RAPGEF2: variants seen among roughly 807,000 people sequenced by gnomAD.
The protein encoded by RAPGEF2 is PDZ domain containing guanine nucleotide exchange factor (GEF) 1.
In RAPGEF2, 54 loss-of-function variants were observed where a neutral mutation model predicts 186.7. The observed-to-expected ratio is 0.29, with a 90% confidence interval of 0.23 to 0.36. The LOEUF (loss-of-function observed/expected upper bound fraction) is 0.36, where lower values mean the gene tolerates loss of function less well. Among genes scored for constraint, RAPGEF2 ranks in the 10% least tolerant of loss-of-function variants. RAPGEF2 has a pLI of 1.00. For synonymous variants in RAPGEF2, 712 were observed against 705.9 expected, an observed-to-expected ratio of 1.01 and a Z score of -0.14; for missense variants, 1,532 against 2,045.0, an observed-to-expected ratio of 0.75 and a Z score of 4.84.
chr4:159,131,496 A>T (rs911804172), intron 1 of RAPGEF2, among the ~76,000 whole-genome samples: 17 of 91,330 alleles, frequency 1.9e-4, no homozygotes, highest in Admixed American at 3.1e-4. Context: ...TATTATCTTG[A>T]TATCTTTGTC....
At position 159,295,512 on chromosome 4, in the gene RAPGEF2, A is replaced by G. The variant is rs1298689708; in HGVS notation, c.544-8830A>G. 2.0e-5 allele frequency among the ~76,000 whole-genome samples: 3 copies of G among 152,134 alleles called. No individual in the cohort carries two copies. In the East Asian group the frequency reaches 5.8e-4, roughly 29 times the overall value. ...GCAACAGGACATTTCATTTGGCCATATATACATTAATCAACTACCTCCGTG... is the reference window on the plus strand; with the variant it reads ...GCAACAGGACATTTCATTTGGCCATGTATACATTAATCAACTACCTCCGTG... On this transcript the variant is annotated intron_variant, in intron 7 of 29. Coordinates refer to ENST00000691494, the MANE Select transcript of RAPGEF2 (RefSeq NM_001394067.2).
chr4:159,262,188 A>G (rs865927951), intron 7 of RAPGEF2, among the ~76,000 whole-genome samples: 3 of 152,360 alleles, frequency 2.0e-5, no homozygotes, highest in Middle Eastern at 3.4e-3. Context: ...GTTGTTGACA[A>G]TATCAGATAA....
At chr4:159,256,793 TC>T (rs1463627303) in intron 7 of RAPGEF2, among the ~76,000 whole-genome samples, 1 of 152,218 alleles carries the variant, frequency 6.6e-6, no homozygotes, top group Non-Finnish European at 1.5e-5. Context: ...TCTCTAATGA[TC>T]AGTGATGTTT....
intron 17 of RAPGEF2, among the ~76,000 whole-genome samples, chr4:159,334,786 C>CT (rs2111223786): frequency 6.6e-6 from 1 of 152,066 alleles, no homozygotes; most frequent in South Asian, 2.1e-4. Flanking sequence ...TACTCAAAAG[C>CT]TAGACAAGGG....
At chr4:159,352,505 G>A (rs919922611) in intron 26 of RAPGEF2, 180 bp from the exon 27 acceptor site, 80 of 571,564 alleles carry the variant, frequency 1.4e-4, no homozygotes, top group African/African-American at 1.4e-3. Context: ...AACAACTTAA[G>A]CTTCATTAGA....
At chr4:159,273,679 TTTCTTTCTTTCTTTC>T (rs1758461661) in intron 7 of RAPGEF2, among the ~76,000 whole-genome samples, 1 of 150,590 alleles carries the variant, frequency 6.6e-6, no homozygotes, top group African/African-American at 2.4e-5. Context: ...TCTTTCTTTC[TTTCTTTCTTTCTTTC>T]TTTCTTTCTC....
intron 3 of RAPGEF2, among the ~76,000 whole-genome samples, chr4:159,195,884 T>TTG (rs1748594809): frequency 7.2e-6 from 1 of 139,752 alleles, no homozygotes; most frequent in Admixed American, 7.0e-5. Context: ...TGTTTTTTTT[T>TTG]TTTTTTTTTT....
intron 1 of RAPGEF2, among the ~76,000 whole-genome samples, chr4:159,174,816 G>A (rs1426586746): frequency 6.6e-6 from 1 of 150,500 alleles, no homozygotes; most frequent in African/African-American, 2.5e-5. Flanking sequence ...GAGTGCATTG[G>A]CACAGTGACA....
chr4:159,120,318 C>T (rs1739524330), intron 1 of RAPGEF2, among the ~76,000 whole-genome samples: 1 of 132,652 alleles, frequency 7.5e-6, no homozygotes, highest in Admixed American at 7.5e-5. Context: ...TTGCACCCAG[C>T]CAAATCATCA....
At chr4:159,128,043 G>GTA (rs1740558946) in intron 1 of RAPGEF2, among the ~76,000 whole-genome samples, 1 of 152,080 alleles carries the variant, frequency 6.6e-6, no homozygotes, top group East Asian at 1.9e-4. Flanking sequence ...ATTTAGGTAT[G>GTA]TATATATATG....
chr4:159,279,803 C>G (rs887724791), intron 7 of RAPGEF2, among the ~76,000 whole-genome samples: 2 of 151,988 alleles, frequency 1.3e-5, no homozygotes, highest in African/African-American at 4.8e-5. Flanking sequence ...CTCAGCCTCC[C>G]GAGTAGCTGG....
chr4:159,282,900 A>C lies in RAPGEF2; in HGVS notation c.544-21442A>C, dbSNP rs542676946. 2.0e-5 allele frequency among the ~76,000 whole-genome samples: 3 copies of C among 152,178 alleles called. No individual in the cohort carries two copies. In the South Asian group the frequency reaches 6.2e-4, roughly 31 times the overall value. On this transcript the variant is annotated intron_variant, in intron 7 of 29. Coordinates refer to ENST00000691494, the MANE Select transcript of RAPGEF2 (RefSeq NM_001394067.2). ...TAAGAAGAAGAATGTAAAGGCCAGG[A>C]TGTGGGAGTTCTATACTTCCTATAA...
chr4:159,111,158 G>C (rs1738450776), intron 1 of RAPGEF2, among the ~76,000 whole-genome samples: 1 of 152,152 alleles, frequency 6.6e-6, no homozygotes, highest in Non-Finnish European at 1.5e-5. Flanking sequence ...TGGTGCGGTG[G>C]TGGTGGGTTT....
intron 24 of RAPGEF2, among the ~76,000 whole-genome samples, chr4:159,345,620 A>G (rs1730179719): frequency 1.3e-5 from 2 of 152,240 alleles, no homozygotes; most frequent in South Asian, 2.1e-4. Context: ...ACAGACGCAT[A>G]TATAGATATG....
At chr4:159,273,824 G>A (rs1468117920) in intron 7 of RAPGEF2, among the ~76,000 whole-genome samples, 2 of 151,858 alleles carry the variant, frequency 1.3e-5, no homozygotes, top group East Asian at 3.9e-4. Context: ...ATGGAGTCTC[G>A]CTCTGTCGCC....
chr4:159,266,340 G>C (rs1327295523), intron 7 of RAPGEF2, among the ~76,000 whole-genome samples: 1 of 152,134 alleles, frequency 6.6e-6, no homozygotes, highest in Non-Finnish European at 1.5e-5. Flanking sequence ...CAGTTCCAAA[G>C]TCAATTATTA....
chr4:159,175,943 A>G (rs969565309), intron 1 of RAPGEF2, among the ~76,000 whole-genome samples: 1 of 152,200 alleles, frequency 6.6e-6, no homozygotes, highest in African/African-American at 2.4e-5. Flanking sequence ...GAGATGTAAG[A>G]GAAGACGAGT....
At chr4:159,330,591 T>G in intron 13 of RAPGEF2, 93 bp downstream of exon 13, 1 of 922,380 alleles carries the variant, frequency 1.1e-6, no homozygotes, top group Non-Finnish European at 1.6e-6. Flanking sequence ...TATGTCCAGA[T>G]TAATGTAATG....
At chr4:159,246,422 T>C (rs943548771) in intron 7 of RAPGEF2, among the ~76,000 whole-genome samples, 5 of 152,158 alleles carry the variant, frequency 3.3e-5, no homozygotes, top group African/African-American at 1.2e-4. Flanking sequence ...ATCAGTCCCA[T>C]TTTAAAACTA....
Sources: gnomAD v4.1 joint callset for allele counts (sites outside exome capture counted in the v4.1 genomes callset) on GRCh38, gnomAD v4.1.1 for gene constraint, MANE v1.5 for transcripts, NCBI Gene and HGNC (gene_info 2026-07-23, HGNC 2026-07-21) for gene names.